Variants in PCDH1 observed in about 807,000 individuals in gnomAD.
PCDH1 encodes protocadherin-1.
PCDH1 carries 23 observed loss-of-function variants against 74.6 expected under a neutral mutation model. The observed-to-expected ratio is 0.31, with a 90% CI of 0.22 to 0.44. The LOEUF (loss-of-function observed/expected upper bound fraction) is 0.44. PCDH1 is among the 20% of genes least tolerant of loss of function. The pLI is 1.00. For missense variants in PCDH1, 1,214 were observed against 1,641.4 expected, an observed-to-expected ratio of 0.74 and a Z score of 4.50; for synonymous variants, 647 against 686.1, an observed-to-expected ratio of 0.94 and a Z score of 0.89.
Position 141,864,626 on chromosome 5 carries a change from A to G in PCDH1, c.1705T>C (p.Ser569Pro), listed in dbSNP as rs1160536619. Residue 569 changes from serine to proline, a missense_variant, in exon 3 of 5, where the codon TCT becomes CCT. Around this residue, in one of 4 missense-constraint regions of PCDH1, gnomAD observed 836 missense variants for 1,182.2 expected, o/e 0.71. Coordinates refer to ENST00000287008, the MANE Select transcript of PCDH1 (RefSeq NM_032420.5). This position sits in a 1 kb window ranked among gnomAD's most constrained non-coding sequence, Gnocchi z 5.9. ...PETGEIQVKT[S>P]LDREQRESYE... ...CTCTCCCGCTGTTCCCGATCCAGAG[A>G]TGTCTTCACCTGGATCTCTCCAGTC... 6 of 1,613,468 alleles carry G rather than the reference A, an allele frequency of 3.7e-6. No homozygotes were observed. The highest frequency in any genetic ancestry group is 1.7e-6 in the Non-Finnish European group (2 of 1,180,026).
chr5:141,857,602 C>T, intron 3 of PCDH1, 131 bp from the exon 4 acceptor site: 1 of 676,128 alleles, frequency 1.5e-6, no homozygotes, highest in Non-Finnish European at 2.5e-6. Flanking sequence ...GACCCAGGCC[C>T]CAGCACAGCA....
chr5:141,878,280 G>A lies in PCDH1; in HGVS notation c.-18C>T, dbSNP rs1045118530. The A allele has an allele frequency of 4.7e-6, 6 of 1,268,530 alleles. No homozygotes were observed. Among genetic ancestry groups the A allele is most frequent in the African/African-American group, 4.7e-5 (3 of 63,556 alleles). The allele number at this position is 1,268,530 out of a possible 1,614,324, so 78.6% of individuals were successfully genotyped here. A position where few individuals can be genotyped will look rare whatever the true frequency, so the allele number is the denominator to read the frequency against. On this transcript the variant is annotated 5_prime_UTR_variant, in exon 1 of 5. Transcript: ENST00000287008. The surrounding 1 kb of genome is among the most constrained non-coding windows in gnomAD (Gnocchi z 5.5). ...CTGTCCATGAGCCGCCGCCGGCCCC[G>A]GCCTGGGCTGCGGCTCCGCACGGCT...
intron 4 of PCDH1, among the ~76,000 whole-genome samples, 166 bp downstream of exon 4, chr5:141,857,086 G>A (rs1752376874): frequency 6.6e-6 from 1 of 152,176 alleles, no homozygotes; most frequent in Non-Finnish European, 1.5e-5. Context: ...TCAAATCACA[G>A]AGTGGTTCTG....
chr5:141,862,813 G>C (rs1752618435), intron 3 of PCDH1: 1 of 1,057,400 alleles, frequency 9.5e-7, no homozygotes, highest in Non-Finnish European at 1.1e-6. Context: ...CAGGACCCCA[G>C]GTCTCCCTGT....
At chr5:141,855,939 C>T (rs897557072) in intron 4 of PCDH1, among the ~76,000 whole-genome samples, 1 of 151,698 alleles carries the variant, frequency 6.6e-6, no homozygotes, top group African/African-American at 2.4e-5. Flanking sequence ...TGCTCAGGGA[C>T]AGCACCAGGC....
intron 3 of PCDH1, among the ~76,000 whole-genome samples, chr5:141,861,115 CAA>C (rs59007688): frequency 6.0e-4 from 37 of 61,940 alleles, no homozygotes; most frequent in Middle Eastern, 0.011. Context: ...AACTCCATCT[CAA>C]AAAAAAAAAA....
At chr5:141,866,861 A>T (rs1313734906) in intron 2 of PCDH1, among the ~76,000 whole-genome samples, 2 of 152,156 alleles carry the variant, frequency 1.3e-5, no homozygotes, top group African/African-American at 2.4e-5. Flanking sequence ...GCCTCTGAAA[A>T]ATCAGTGCTA....
chr5:141,854,894 A>C lies in PCDH1; in HGVS notation c.3320-458T>G, dbSNP rs1752270247. Among the ~76,000 whole-genome samples, 4 of 150,032 alleles carry C rather than the reference A, an allele frequency of 2.7e-5. No homozygotes were observed. The South Asian group carries it at 8.5e-4, about 32-fold the overall frequency. On this transcript the variant is annotated intron_variant, in intron 4 of 4. Transcript: ENST00000287008. ...ACCAGGTTGACCAGGCTGGTCTTGA[A>C]CTCCTGACCTCAGGTGATCCACCCA... is the stretch of plus-strand genomic sequence containing the variant.
At chr5:141,856,267 G>A (rs958272923) in intron 4 of PCDH1, 13 of 1,535,492 alleles carry the variant, frequency 8.5e-6, no homozygotes, top group Admixed American at 3.9e-5. Context: ...CCGGCTCTGC[G>A]CGGGCACAAA....
Position 141,868,369 on chromosome 5 carries a change from A to G in PCDH1, c.903+200T>C. ...TTCATATGCTATTTCACTGTCACCT[A>G]AGTAGCCTGATAGAGGAAAGTAATA... is the stretch of plus-strand genomic sequence containing the variant. On this transcript the variant is annotated intron_variant, in intron 2 of 4. Transcript: ENST00000287008. The surrounding 1 kb of genome is among the most constrained non-coding windows in gnomAD (Gnocchi z 4.8). The G allele has an allele frequency of 7.5e-7, 1 of 1,338,276 alleles. No homozygotes were observed. The highest frequency in any genetic ancestry group is 2.2e-5 in the South Asian group (1 of 46,178). 82.9% of individuals were successfully genotyped at this position (1,338,276 alleles called of 1,614,324 possible). A position where few individuals can be genotyped will look rare whatever the true frequency, so the allele number is the denominator to read the frequency against.
rs375066343 is a variant in PCDH1, at chr5:141,865,386, G to T, written c.945C>A (p.Ile315=). Residue 315 remains isoleucine (I), a synonymous_variant, in exon 3 of 5, where the codon ATC becomes ATA. Transcript: ENST00000287008. The surrounding 1 kb of genome is among the most constrained non-coding windows in gnomAD (Gnocchi z 4.4). ...NDSDQGANAE[I]EYTFHQAPEV... is the part of the protein sequence containing the mutation. ...CGGGCGCCTGGTGGAATGTGTATTC[G>T]ATTTCTGCATTGGCACCTTGGTCTG... is the stretch of plus-strand genomic sequence containing the variant. 6.2e-7 allele frequency: 1 copy of T among 1,613,880 alleles called. No individual in the cohort carries two copies. Among genetic ancestry groups the T allele is most frequent in the Non-Finnish European group, 8.5e-7 (1 of 1,180,024 alleles).
At position 141,853,974 on chromosome 5, in the gene PCDH1, C is replaced by G; in HGVS notation, c.*68G>C. 1 of 1,367,562 alleles carries G rather than the reference C, an allele frequency of 7.3e-7. No homozygotes were observed. Among genetic ancestry groups the G allele is most frequent in the Non-Finnish European group, 9.8e-7 (1 of 1,024,844 alleles). 84.7% of individuals were successfully genotyped at this position (1,367,562 alleles called of 1,614,324 possible). A position where few individuals can be genotyped will look rare whatever the true frequency, so the allele number is the denominator to read the frequency against. On this transcript the variant is annotated 3_prime_UTR_variant, in exon 5 of 5. Coordinates refer to ENST00000287008, the MANE Select transcript of PCDH1 (RefSeq NM_032420.5). Reference sequence around the variant, plus strand: ...CACGCTGAAGGGGTGGAGAGTGAGGCCCTGGAATGGGCCATTTGGGAGCTG... The same window carrying G: ...CACGCTGAAGGGGTGGAGAGTGAGGGCCTGGAATGGGCCATTTGGGAGCTG...
intron 2 of PCDH1, among the ~76,000 whole-genome samples, chr5:141,866,570 T>A (rs189675442): frequency 2.7e-4 from 41 of 151,840 alleles, no homozygotes; most frequent in Non-Finnish European, 4.7e-4. Flanking sequence ...CTTGGCAGAG[T>A]CTCTGGGGTA....
chr5:141,868,701 G>C lies in PCDH1; in HGVS notation c.771C>G (p.Ser257Arg). 1 of 1,613,912 alleles carries C rather than the reference G, an allele frequency of 6.2e-7. No homozygotes were observed. Among genetic ancestry groups the C allele is most frequent in the Non-Finnish European group, 8.5e-7 (1 of 1,179,864 alleles). ...DLTIKVQDGG[S>R]PPRASSALLR... ...GCAGGGCACTGCTGGCGCGTGGGGG[G>C]CTGCCGCCATCCTGCACCTTGATGG... The change falls in exon 2 of 5, where the codon AGC becomes AGG. Residue 257 changes from serine to arginine, a missense_variant. Physicochemically the swap from Ser to Arg is moderately radical, Grantham distance 110 (BLOSUM62 -1). Coordinates refer to ENST00000287008, the MANE Select transcript of PCDH1 (RefSeq NM_032420.5). The surrounding 1 kb of genome is among the most constrained non-coding windows in gnomAD (Gnocchi z 4.8).
At position 141,868,914 on chromosome 5, in the gene PCDH1, G is replaced by C. The variant is rs1464290988; in HGVS notation, c.558C>G (p.Leu186=). 1 of 1,614,252 alleles carries C rather than the reference G, an allele frequency of 6.2e-7. No individual in the cohort carries two copies. Among genetic ancestry groups the C allele is most frequent in the South Asian group, 1.1e-5 (1 of 91,086 alleles). The change falls in exon 2 of 5, where the codon CTC becomes CTG. Residue 186 remains leucine (L), a synonymous_variant. Coordinates refer to ENST00000287008, the MANE Select transcript of PCDH1 (RefSeq NM_032420.5). This position sits in a 1 kb window ranked among gnomAD's most constrained non-coding sequence, Gnocchi z 4.8. The part of the protein sequence containing the change: ...AIPENTNIGS[L]FPIPLASDRD... ...GGTCTGAAGCCAGCGGGATGGGGAA[G>C]AGTGAGCCGATGTTGGTGTTCTCAG...
In PCDH1 at chr5:141,863,692, C is replaced by T. The variant is rs778696787; in HGVS notation, c.2639G>A (p.Arg880Gln). ...AGCCTGGTAACCACTTTTGGCCTCC[C>T]GCTGTCTGCAGTAGCGCACAAGAAC... ...LAVLVRYCRQ[R>Q]EAKSGYQAGK... The change falls in exon 3 of 5, where the codon CGG becomes CAG. Residue 880 changes from arginine (R) to glutamine (Q), a missense_variant. This residue lies in a region of PCDH1 where 836 missense variants were observed against 1,182.2 expected (regional missense o/e 0.71). Coordinates refer to ENST00000287008, the MANE Select transcript of PCDH1 (RefSeq NM_032420.5). This position sits in a 1 kb window ranked among gnomAD's most constrained non-coding sequence, Gnocchi z 7.5. 5.6e-6 allele frequency: 9 copies of T among 1,614,082 alleles called. No homozygotes were observed. The highest frequency in any genetic ancestry group is 2.2e-5 in the East Asian group (1 of 44,898).
At position 141,853,163 on chromosome 5, in the gene PCDH1, AC is replaced by A. The variant is rs1320605411; in HGVS notation, c.*878del. ...CCAGCTCTGCTGATAGGCAAATGTT[AC>A]CCCCGTCCCCACCCCCACCCACCCG... On this transcript the variant is annotated 3_prime_UTR_variant, in exon 5 of 5. Transcript: ENST00000287008. 6.6e-6 allele frequency: 1 copy of A among 151,782 alleles called. No individual in the cohort carries two copies. Among genetic ancestry groups the A allele is most frequent in the Non-Finnish European group, 1.5e-5 (1 of 67,978 alleles). The allele number at this position is 151,782 out of a possible 1,614,324, so 9.4% of individuals were successfully genotyped here. A position where few individuals can be genotyped will look rare whatever the true frequency, so the allele number is the denominator to read the frequency against.
chr5:141,855,234 C>T (rs531288814), intron 4 of PCDH1, among the ~76,000 whole-genome samples: 15 of 152,232 alleles, frequency 9.9e-5, no homozygotes, highest in African/African-American at 3.4e-4. Flanking sequence ...CTCAGCCTCC[C>T]AGAGTGTTGG....
rs1752783610 is a variant in PCDH1 at position 141,865,456 on chromosome 5, A to C, written c.904-29T>G. The C allele has an allele frequency of 6.3e-7, 1 of 1,597,972 alleles. No individual in the cohort carries two copies. The highest frequency in any genetic ancestry group is 1.3e-5 in the African/African-American group (1 of 74,616). On this transcript the variant is annotated intron_variant, in intron 2 of 4. Transcript: ENST00000287008. The surrounding 1 kb of genome is among the most constrained non-coding windows in gnomAD (Gnocchi z 4.4). ...TAGGGCAGGAGAGAAAAACAAGGAG[A>C]ACAGAGATGGTTTAGATCAGGGATA... is the stretch of plus-strand genomic sequence containing the variant.
Sources: allele counts gnomAD v4.1 joint callset (sites outside exome capture counted in the v4.1 genomes callset), GRCh38; gene constraint gnomAD v4.1.1; regional missense constraint gnomAD v4.1.1; non-coding constraint Gnocchi (gnomAD v3.1); transcripts MANE v1.5; gene names NCBI Gene and HGNC (gene_info 2026-07-23, HGNC 2026-07-21).